The following GBP7 variants were observed in gnomAD, a reference collection of about 807,000 sequenced individuals.
The protein encoded by GBP7 is guanylate binding protein 7.
GBP7 carries 43 observed loss-of-function variants against 61.3 expected under a neutral mutation model. The ratio of observed to expected loss-of-function variants is 0.70; its 90% CI spans 0.55 to 0.91. The LOEUF is 0.91. Ranked by LOEUF, GBP7 falls within the 40% of genes least tolerant of loss-of-function variation. The pLI is 0.00. For synonymous variants in GBP7, 267 were observed against 271.0 expected (o/e 0.99, Z 0.14); for missense variants, 717 against 740.5 (o/e 0.97, Z 0.37).
rs1440391225 is a variant in GBP7 at position 89,164,751 on chromosome 1, C to T, written c.298G>A (p.Gly100Ser). Residue 100 changes from glycine to serine, a missense_variant, in exon 3 of 11, where the codon GGC becomes AGC. Physicochemically the swap from Gly to Ser is moderately conservative, Grantham distance 56. Transcript: ENST00000294671. ...CTTACCTTTTCCATATCACCCAGGCCCTCCGTGTCCAGAAGGATCAGGGTG... is the reference window on the plus strand; with the variant it reads ...CTTACCTTTTCCATATCACCCAGGCTCTCCGTGTCCAGAAGGATCAGGGTG... ...NHTLILLDTEGLGDMEKSDPK... is the reference protein window; with the variant it reads ...NHTLILLDTESLGDMEKSDPK... The T allele has an allele frequency of 1.2e-5, 20 of 1,613,754 alleles. No individual in the cohort carries two copies. Among genetic ancestry groups the T allele is most frequent in the African/African-American group, 4.0e-5 (3 of 74,906 alleles).
chr1:89,174,858 A>G (rs1478030251), intron 1 of GBP7, among the ~76,000 whole-genome samples: 1 of 152,182 alleles, frequency 6.6e-6, no homozygotes, highest in Non-Finnish European at 1.5e-5. Flanking sequence ...GTTTTTAATT[A>G]TTTCATGTAA....
At chr1:89,135,919 A>G (rs1681790467) in intron 9 of GBP7, among the ~76,000 whole-genome samples, 2 of 152,330 alleles carry the variant, frequency 1.3e-5, no homozygotes, top group South Asian at 4.1e-4. Context: ...CAAGAGACCA[A>G]TCTCATATGC....
intron 3 of GBP7, among the ~76,000 whole-genome samples, chr1:89,162,840 G>A (rs1303043833): frequency 1.2e-4 from 18 of 152,040 alleles, no homozygotes; most frequent in East Asian, 7.7e-4. Flanking sequence ...GTCTTGTGCC[G>A]GTTTTCAAGA....
chr1:89,133,233 A>G, intron 10 of GBP7, 25 bp downstream of exon 10: 1 of 1,592,020 alleles, frequency 6.3e-7, no homozygotes, highest in Non-Finnish European at 8.6e-7. Context: ...TGCCTCAAGC[A>G]CTGCCAAGCT....
chr1:89,142,962 A>C (rs888004207), intron 8 of GBP7, among the ~76,000 whole-genome samples: 31 of 152,180 alleles, frequency 2.0e-4, no homozygotes, highest in African/African-American at 7.5e-4. Flanking sequence ...GATGGACATT[A>C]GGGTAAAATT....
chr1:89,165,510 G>GC (rs1647400676), intron 2 of GBP7, among the ~76,000 whole-genome samples: 3 of 110,850 alleles, frequency 2.7e-5, no homozygotes, highest in African/African-American at 1.1e-4. Flanking sequence ...CAAAAAAAAA[G>GC]AAAAAAAAAA....
At chr1:89,168,037 A>G (rs1048488150) in intron 2 of GBP7, among the ~76,000 whole-genome samples, 2 of 152,218 alleles carry the variant, frequency 1.3e-5, no homozygotes, top group African/African-American at 2.4e-5. Flanking sequence ...TAGAATTACA[A>G]TGGCCATTAT....
chr1:89,144,191 C>T (rs1682016348), intron 8 of GBP7, among the ~76,000 whole-genome samples: 1 of 152,178 alleles, frequency 6.6e-6, no homozygotes, highest in Admixed American at 6.5e-5. Flanking sequence ...ATCCATTTTT[C>T]TGCAAACGAC....
Position 89,149,560 on chromosome 1 carries a change from A to G in GBP7, c.884T>C (p.Leu295Pro). 2 of 1,612,718 alleles carry G rather than the reference A, an allele frequency of 1.2e-6. No homozygotes were observed. The highest frequency in any genetic ancestry group is 1.7e-4 in the Middle Eastern group (1 of 6,054). Reference sequence around the variant, plus strand: ...GATGGCATCCAGGTAGGTCTCCACCAGCATCCCCAGCCCTGAATGATTTAG... The same window carrying G: ...GATGGCATCCAGGTAGGTCTCCACCGGCATCCCCAGCCCTGAATGATTTAG... ...ILVTGNRLGM[L>P]VETYLDAINS... Residue 295 changes from leucine to proline, a missense_variant, in exon 7 of 11, where the codon CTG becomes CCG. Physicochemically the swap from Leu to Pro is moderately conservative, Grantham distance 98. Transcript: ENST00000294671.
chr1:89,175,354 G>C (rs1266399062), intron 1 of GBP7, among the ~76,000 whole-genome samples: 1 of 152,156 alleles, frequency 6.6e-6, no homozygotes, highest in African/African-American at 2.4e-5. Flanking sequence ...TACAGGATCT[G>C]CTGGCAAGCA....
intron 3 of GBP7, among the ~76,000 whole-genome samples, chr1:89,159,814 G>A (rs1682395529): frequency 6.6e-6 from 1 of 152,092 alleles, no homozygotes; most frequent in Non-Finnish European, 1.5e-5. Context: ...GATTCCACAA[G>A]GATCTACAAC....
Position 89,141,602 on chromosome 1 carries a change from T to C in GBP7, c.1412A>G (p.Glu471Gly). 2 of 1,613,902 alleles carry C rather than the reference T, an allele frequency of 1.2e-6. No individual in the cohort carries two copies. The highest frequency in any genetic ancestry group is 2.2e-5 in the South Asian group (2 of 91,076). ...QSFLQSQVVI[E>G]ESILQSDKAL... ...TTTGTCTGACTGCAGGATGGATTCC[T>C]CTATAACCACCTGTGACTGCAGGAA... is the stretch of plus-strand genomic sequence containing the variant. Residue 471 changes from glutamate to glycine, a missense_variant, in exon 9 of 11, where the codon GAG becomes GGG. This residue lies in a region of GBP7 where 312 missense variants were observed against 310.1 expected (regional missense o/e 1.01). Coordinates refer to ENST00000294671, the MANE Select transcript of GBP7 (RefSeq NM_207398.3).
At chr1:89,139,485 A>G (rs1461541108) in intron 9 of GBP7, among the ~76,000 whole-genome samples, 1 of 152,220 alleles carries the variant, frequency 6.6e-6, no homozygotes, top group African/African-American at 2.4e-5. Context: ...CAGCAAAAGA[A>G]ACTACCATCA....
At chr1:89,140,186 C>G (rs1167270311) in intron 9 of GBP7, among the ~76,000 whole-genome samples, 1 of 149,024 alleles carries the variant, frequency 6.7e-6, no homozygotes, top group Admixed American at 6.8e-5. Flanking sequence ...CAAACTATCG[C>G]AAGGACAAAA....
chr1:89,141,706 G>C, intron 8 of GBP7, 58 bp from the exon 9 acceptor site: 1 of 1,343,542 alleles, frequency 7.4e-7, no homozygotes, highest in Admixed American at 1.7e-5. Context: ...GTCTTGTGAT[G>C]AGGAAATTAT....
intron 5 of GBP7, among the ~76,000 whole-genome samples, chr1:89,151,458 A>G (rs1365742403): frequency 1.3e-5 from 2 of 152,226 alleles, no homozygotes; most frequent in Non-Finnish European, 2.9e-5. Flanking sequence ...AGAGACGGAA[A>G]ATACTCAGGT....
rs1681956662 is a variant in GBP7, at chr1:89,141,731, A to G, written c.1366-83T>C. On this transcript the variant is annotated intron_variant, in intron 8 of 10. Transcript: ENST00000294671. ...GAGGAAATTATTGTTCAACAAAGCC[A>G]CAAATCTAACCTTGTAAACTTCACA... 10 of 1,032,268 alleles carry G rather than the reference A, an allele frequency of 9.7e-6. No individual in the cohort carries two copies. In the South Asian group the frequency reaches 1.2e-4, roughly 12 times the overall value. 63.9% of individuals were successfully genotyped at this position (1,032,268 alleles called of 1,614,324 possible).
At position 89,147,565 on chromosome 1, in the gene GBP7, A is replaced by C; in HGVS notation, c.1365+2T>G. On this transcript the variant is annotated splice_donor_variant, in intron 8 of 10. Transcript: ENST00000294671. LOFTEE classifies it high-confidence loss of function. ...CCATCCCCTTCTCCCCTTATTCCTC[A>C]CCTTAACTCCTTTTCTGGGCACTAG... is the stretch of plus-strand genomic sequence containing the variant. 6.2e-7 allele frequency: 1 copy of C among 1,610,978 alleles called. No homozygotes were observed. Among genetic ancestry groups the C allele is most frequent in the Non-Finnish European group, 8.5e-7 (1 of 1,177,336 alleles).
chr1:89,132,299 C>A lies in GBP7; in HGVS notation c.1767G>T (p.Glu589Asp). ...CAAGAATCTGTGAAAACACTGAGGGCTCTTCATTTTCAGCTGCTTCAATTT... is the reference window on the plus strand; with the variant it reads ...CAAGAATCTGTGAAAACACTGAGGGATCTTCATTTTCAGCTGCTTCAATTT... Reference protein sequence around the residue: ...KEQIEAAENEEPSVFSQILDV... With the variant: ...KEQIEAAENEDPSVFSQILDV... The change falls in exon 11 of 11, where the codon GAG becomes GAT. Residue 589 changes from glutamate (E) to aspartate (D), a missense_variant. Transcript: ENST00000294671. 6.2e-7 allele frequency: 1 copy of A among 1,613,920 alleles called. No homozygotes were observed. The highest frequency in any genetic ancestry group is 1.7e-4 in the Middle Eastern group (1 of 6,060).
Sources: allele counts gnomAD v4.1 joint callset (sites outside exome capture counted in the v4.1 genomes callset), GRCh38; gene constraint gnomAD v4.1.1; regional missense constraint gnomAD v4.1.1; transcripts MANE v1.5; gene names NCBI Gene and HGNC (gene_info 2026-07-23, HGNC 2026-07-21).